MYO1E: variants seen among roughly 807,000 people sequenced by gnomAD.
MYO1E encodes unconventional myosin-Ie.
MYO1E carries 68 observed loss-of-function variants against 151.1 expected under a neutral mutation model. The observed-to-expected ratio is 0.45, with a 90% CI of 0.37 to 0.55. MYO1E has a LOEUF of 0.55. Ranked by LOEUF, MYO1E falls within the 20% of genes least tolerant of loss-of-function variation. The pLI is 0.00. For missense variants in MYO1E, 1,363 were observed against 1,389.3 expected (o/e 0.98, Z 0.30); for synonymous variants, 601 against 501.7 (o/e 1.20, Z -2.64).
At position 59,144,754 on chromosome 15, in the gene MYO1E, T is replaced by A. The variant is rs557411000; in HGVS notation, c.3081-6387A>T. 8.0e-4 allele frequency among the ~76,000 whole-genome samples: 122 copies of A among 152,288 alleles called. 1 individual carries two copies. In the South Asian group the frequency reaches 0.025, roughly 31 times the overall value. ...GAACACAGTTGGTGGGAACAGCCAT[T>A]TTCCCAGACTCCAACAGCCTCGAAA... On this transcript the variant is annotated intron_variant, in intron 26 of 27. Coordinates refer to ENST00000288235, the MANE Select transcript of MYO1E (RefSeq NM_004998.4).
intron 19 of MYO1E, among the ~76,000 whole-genome samples, chr15:59,174,648 C>T (rs1054174189): frequency 2.6e-5 from 4 of 152,124 alleles, no homozygotes; most frequent in Admixed American, 6.6e-5. Context: ...GGCACTTCTG[C>T]ATGCAGCCTC....
intron 26 of MYO1E, among the ~76,000 whole-genome samples, chr15:59,149,741 G>C (rs2079465210): frequency 6.6e-6 from 1 of 152,178 alleles, no homozygotes; most frequent in Non-Finnish European, 1.5e-5. Context: ...TGAGGGATGA[G>C]AGAGAGGAAG....
chr15:59,275,342 G>GT (rs1279732216), intron 1 of MYO1E, among the ~76,000 whole-genome samples: 7 of 152,106 alleles, frequency 4.6e-5, no homozygotes, highest in African/African-American at 9.6e-5. Context: ...GATTTGATAC[G>GT]TTTTTTATAT....
intron 1 of MYO1E, among the ~76,000 whole-genome samples, chr15:59,368,095 G>A (rs769147775): frequency 1.3e-5 from 2 of 152,092 alleles, no homozygotes; most frequent in African/African-American, 4.8e-5. Flanking sequence ...CTCCAGCCTG[G>A]GCGACAAGAG....
At chr15:59,298,837 A>G (rs778511422) in intron 1 of MYO1E, among the ~76,000 whole-genome samples, 1 of 152,132 alleles carries the variant, frequency 6.6e-6, no homozygotes, top group African/African-American at 2.4e-5. Context: ...TCTATGCCCA[A>G]CCTTTGATTC....
At chr15:59,171,823 T>C (rs753993958) in intron 22 of MYO1E, 74 bp downstream of exon 22, 12 of 1,598,986 alleles carry the variant, frequency 7.5e-6, no homozygotes, top group Non-Finnish European at 1.0e-5. Flanking sequence ...GCCTTCCTCC[T>C]GGCTGTTTGG....
intron 17 of MYO1E, among the ~76,000 whole-genome samples, chr15:59,191,628 T>C (rs1468563112): frequency 6.6e-6 from 1 of 152,202 alleles, no homozygotes; most frequent in Non-Finnish European, 1.5e-5. Context: ...TAGGAAGGAA[T>C]ATTCCTCATG....
At chr15:59,268,720 A>ATTTTTTTTTTTTTTTTTGTTTTTTTTTTT (rs2080271888) in intron 2 of MYO1E, among the ~76,000 whole-genome samples, 1 of 44,906 alleles carries the variant, frequency 2.2e-5, no homozygotes, top group Non-Finnish European at 4.9e-5. Flanking sequence ...TGACTTTGGT[A>ATTTTTTTTTTTTTTTTTGTTTTTTTTTTT]TTTTTTTTTT....
chr15:59,216,150 T>A (rs890711123), intron 10 of MYO1E, among the ~76,000 whole-genome samples: 2 of 152,180 alleles, frequency 1.3e-5, no homozygotes, highest in South Asian at 4.1e-4. Flanking sequence ...TCTTTTGGAT[T>A]GAATGGCCCC....
At chr15:59,148,757 C>G (rs1394587919) in intron 26 of MYO1E, among the ~76,000 whole-genome samples, 1 of 152,198 alleles carries the variant, frequency 6.6e-6, no homozygotes, top group Non-Finnish European at 1.5e-5. Context: ...ATTGACCCCT[C>G]CTTTGTGGCA....
intron 1 of MYO1E, among the ~76,000 whole-genome samples, chr15:59,280,314 A>T (rs1447820460): frequency 6.6e-6 from 1 of 152,166 alleles, no homozygotes; most frequent in Non-Finnish European, 1.5e-5. Flanking sequence ...TCACATTTTC[A>T]CATTTTGAAA....
chr15:59,151,519 A>C (rs2079478804), intron 26 of MYO1E, among the ~76,000 whole-genome samples: 1 of 152,258 alleles, frequency 6.6e-6, no homozygotes, highest in South Asian at 2.1e-4. Flanking sequence ...GCCAGGGCAA[A>C]AGGAATGCTG....
intron 1 of MYO1E, among the ~76,000 whole-genome samples, chr15:59,274,945 T>C (rs2080309360): frequency 6.6e-6 from 1 of 152,196 alleles, no homozygotes; most frequent in Non-Finnish European, 1.5e-5. Context: ...GCTGTCTATA[T>C]AACAAGGTGA....
Position 59,277,540 on chromosome 15 carries a change from T to TC in MYO1E, c.4-5092dup, listed in dbSNP as rs796453184. Among the ~76,000 whole-genome samples, 3 of 19,812 alleles carry TC rather than the reference T, an allele frequency of 1.5e-4. No individual in the cohort carries two copies. The Admixed American group carries it at 2.2e-3, about 14-fold the overall frequency. The allele number at this position is 19,812 out of a possible 152,430, so 13.0% of individuals were successfully genotyped here. On this transcript the variant is annotated intron_variant, in intron 1 of 27. Transcript: ENST00000288235. ...AGCCTGGCAACAGAGCAAGACTCCATCCCCCCACAAAAAAAAAAAAAAAAA... is the reference window on the plus strand; with the variant it reads ...AGCCTGGCAACAGAGCAAGACTCCATCCCCCCCACAAAAAAAAAAAAAAAAA...
intron 4 of MYO1E, among the ~76,000 whole-genome samples, chr15:59,246,544 G>A (rs768013444): frequency 5.3e-5 from 8 of 151,992 alleles, no homozygotes; most frequent in South Asian, 4.1e-4. Context: ...CTTCCTCCTC[G>A]CCTTTCTAAC....
Position 59,255,457 on chromosome 15 carries a change from C to T in MYO1E, c.332+827G>A, listed in dbSNP as rs191780894. On this transcript the variant is annotated intron_variant, in intron 4 of 27. Coordinates refer to ENST00000288235, the MANE Select transcript of MYO1E (RefSeq NM_004998.4). ...TCACTCAGGCTGGAGTACAGTGGCA[C>T]GATCTCAGCTCACTGCAACCTCCTC... is the stretch of plus-strand genomic sequence containing the variant. Among the ~76,000 whole-genome samples, 16 of 151,852 alleles carry T rather than the reference C, an allele frequency of 1.1e-4. No individual in the cohort carries two copies. In the East Asian group the frequency reaches 1.2e-3, roughly 11 times the overall value.
At chr15:59,155,326 T>C (rs1233360928) in intron 25 of MYO1E, among the ~76,000 whole-genome samples, 1 of 152,274 alleles carries the variant, frequency 6.6e-6, no homozygotes, top group East Asian at 1.9e-4. Context: ...TTATATTTTA[T>C]ATGTTTTGAA....
intron 26 of MYO1E, among the ~76,000 whole-genome samples, chr15:59,152,121 C>G (rs944732371): frequency 6.6e-6 from 1 of 151,818 alleles, no homozygotes; most frequent in Non-Finnish European, 1.5e-5. Flanking sequence ...CCCAGCTACT[C>G]AGGAGGCTGA....
chr15:59,339,775 C>T (rs1262872939), intron 1 of MYO1E, among the ~76,000 whole-genome samples: 1 of 152,176 alleles, frequency 6.6e-6, no homozygotes, highest in Non-Finnish European at 1.5e-5. Flanking sequence ...ACTGCTTGAG[C>T]CCAGGAGTTA....
Sources: allele counts gnomAD v4.1 joint callset (sites outside exome capture counted in the v4.1 genomes callset), GRCh38; gene constraint gnomAD v4.1.1; transcripts MANE v1.5; gene names NCBI Gene and HGNC (gene_info 2026-07-23, HGNC 2026-07-21).